The following ABCA7 variants were observed in gnomAD, a reference collection of about 807,000 sequenced individuals.
ABCA7 encodes the protein ATP binding cassette subfamily A member 7.
Under a neutral mutation model 227.6 loss-of-function variants are expected in ABCA7, and 261 were observed. The ratio of observed to expected loss-of-function variants is 1.15; its 90% CI spans 1.04 to 1.27. The LOEUF is 1.27. ABCA7 is among the 50% of genes most tolerant of loss of function. ABCA7 has a pLI of 0.00. For synonymous variants in ABCA7, 1,488 were observed against 1,279.7 expected (o/e 1.16, Z -3.47); for missense variants, 3,331 against 2,924.5 (o/e 1.14, Z -3.21).
chr19:1,064,320 G>A (rs1259926519), intron 45 of ABCA7, 67 bp downstream of exon 45: 2 of 1,455,182 alleles, frequency 1.4e-6, no homozygotes, highest in Admixed American at 2.3e-5. Flanking sequence ...TCAGGGGAGA[G>A]GCCAGACGTA....
chr19:1,060,432 C>T (rs1238249411), intron 40 of ABCA7, among the ~76,000 whole-genome samples: 1 of 151,556 alleles, frequency 6.6e-6, no homozygotes, highest in Non-Finnish European at 1.5e-5. Flanking sequence ...GCTGGTCTTG[C>T]ACTCCTGACC....
Position 1,057,899 on chromosome 19 carries a change from C to A in ABCA7, c.4881-16C>A. The stretch of plus-strand genomic sequence containing the variant: ...AGTCTGAGTGGTTACTCCAGTGACT[C>A]CTATTGTCCCTTCAGCTGGTCGATC... On this transcript the variant is annotated splice_polypyrimidine_tract_variant and intron_variant, in intron 35 of 46. Coordinates refer to ENST00000263094, the MANE Select transcript of ABCA7 (RefSeq NM_019112.4). 2 of 1,613,892 alleles carry A rather than the reference C, an allele frequency of 1.2e-6. No homozygotes were observed. The highest frequency in any genetic ancestry group is 1.7e-6 in the Non-Finnish European group (2 of 1,179,942).
chr19:1,060,985 C>T (rs915757803), intron 40 of ABCA7, among the ~76,000 whole-genome samples: 6 of 152,202 alleles, frequency 3.9e-5, no homozygotes, highest in African/African-American at 1.4e-4. Flanking sequence ...AGGGTACCCA[C>T]TGTGTGCCAA....
Position 1,054,935 on chromosome 19 carries a change from G to C in ABCA7, c.3950+57G>C. 9 of 1,555,502 alleles carry C rather than the reference G, an allele frequency of 5.8e-6. No individual in the cohort carries two copies. Among genetic ancestry groups the C allele is most frequent in the Non-Finnish European group, 7.9e-6 (9 of 1,145,606 alleles). On this transcript the variant is annotated intron_variant, in intron 29 of 46. Transcript: ENST00000263094. The surrounding 1 kb of genome is among the most constrained non-coding windows in gnomAD (Gnocchi z 4.8). ...CTCTCTGGCCTCAGTTTTCCCATCTGGTCCCTGGCCAGGGAGCCTCAGGGG... is the reference window on the plus strand; with the variant it reads ...CTCTCTGGCCTCAGTTTTCCCATCTCGTCCCTGGCCAGGGAGCCTCAGGGG...
At position 1,042,807 on chromosome 19, in the gene ABCA7, C is replaced by A. The variant is rs1405690293; in HGVS notation, c.560C>A (p.Ala187Asp). 1 of 1,610,788 alleles carries A rather than the reference C, an allele frequency of 6.2e-7. No homozygotes were observed. The highest frequency in any genetic ancestry group is 2.2e-5 in the East Asian group (1 of 44,850). ...QEPLHSLLEAAEDLAQELLAL... is the reference protein window; with the variant it reads ...QEPLHSLLEADEDLAQELLAL... The stretch of plus-strand genomic sequence containing the variant: ...CCCTTGCACAGCTTGTTGGAGGCCG[C>A]TGAGGACCTGGCCCAGGAGGTACGA... Residue 187 changes from alanine to aspartate, a missense_variant, in exon 7 of 47, where the codon GCT (alanine) becomes GAT (aspartate). Transcript: ENST00000263094.
chr19:1,053,726 C>T (rs1237570481), intron 24 of ABCA7, 62 bp from the exon 25 acceptor site: 1 of 1,570,070 alleles, frequency 6.4e-7, no homozygotes, highest in African/African-American at 1.4e-5. Flanking sequence ...GGGTGGGGGG[C>T]TCACAAGCCC....
In ABCA7 at chr19:1,061,896, G is replaced by A. The variant is rs750319551; in HGVS notation, c.5570+8G>A. ...TGTGCTGGCAGGCCACAGGTGAGGG[G>A]TGCCAGGTAGGGTCAGGGTGGGGCA... On this transcript the variant is annotated splice_region_variant and intron_variant, in intron 41 of 46. Coordinates refer to ENST00000263094, the MANE Select transcript of ABCA7 (RefSeq NM_019112.4). The A allele has an allele frequency of 3.2e-6, 5 of 1,578,410 alleles. No individual in the cohort carries two copies. Among genetic ancestry groups the A allele is most frequent in the Non-Finnish European group, 4.3e-6 (5 of 1,165,038 alleles).
intron 23 of ABCA7, among the ~76,000 whole-genome samples, chr19:1,052,721 GGAGAAGGA>G (rs958035985): frequency 2.8e-5 from 4 of 145,230 alleles, no homozygotes; most frequent in Non-Finnish European, 4.6e-5. Context: ...AGGAGGGGGA[GGAGAAGGA>G]GAGGAGGAGG....
chr19:1,062,620 C>T (rs1313855621), intron 42 of ABCA7, among the ~76,000 whole-genome samples: 1 of 152,070 alleles, frequency 6.6e-6, no homozygotes, highest in Non-Finnish European at 1.5e-5. Flanking sequence ...ACTTGCTCCT[C>T]TTCTGCCTAC....
At chr19:1,052,371 GA>G in intron 23 of ABCA7, 85 bp downstream of exon 23, 1 of 920,506 alleles carries the variant, frequency 1.1e-6, no homozygotes, top group South Asian at 1.6e-5. Flanking sequence ...GGAGGGGGAA[GA>G]GGAGGAGGAG....
At chr19:1,040,244 G>A (rs1442251905) in intron 1 of ABCA7, 48 bp downstream of exon 1, 1 of 152,286 alleles carries the variant, frequency 6.6e-6, no homozygotes, top group African/African-American at 2.4e-5. Context: ...CGAGAATGCG[G>A]GGTTGGGGCC....
chr19:1,058,330 G>T, intron 37 of ABCA7, 61 bp downstream of exon 37: 1 of 1,596,810 alleles, frequency 6.3e-7, no homozygotes, highest in Non-Finnish European at 8.5e-7. Flanking sequence ...TGGAGACCTA[G>T]AGTTAATTAT....
chr19:1,059,994 T>C (rs1473334873), intron 40 of ABCA7, among the ~76,000 whole-genome samples: 1 of 152,092 alleles, frequency 6.6e-6, no homozygotes, highest in Non-Finnish European at 1.5e-5. Context: ...CAAATACCAA[T>C]AGAATTTATT....
rs747684851 is a variant in ABCA7 at position 1,058,075 on chromosome 19, G to T, written c.5025+16G>T. On this transcript the variant is annotated intron_variant, in intron 36 of 46. Transcript: ENST00000263094. ...CTCTGATCAGGTGGGGCACCACGAG[G>T]CTGGGGCTTGGGCTGGGTTGGGTCG... The T allele has an allele frequency of 6.2e-7, 1 of 1,614,038 alleles. No homozygotes were observed. Among genetic ancestry groups the T allele is most frequent in the Non-Finnish European group, 8.5e-7 (1 of 1,179,986 alleles).
chr19:1,063,547 GCTGGCTCGGGC>G lies in ABCA7; in HGVS notation c.5722_5732del (p.Ser1908AlafsTer73). 1.9e-6 allele frequency: 3 copies of G among 1,610,192 alleles called. No individual in the cohort carries two copies. The highest frequency in any genetic ancestry group is 2.5e-6 in the Non-Finnish European group (3 of 1,179,826). On this transcript the variant is annotated frameshift_variant, in exon 43 of 47. Transcript: ENST00000263094. LOFTEE classifies it high-confidence loss of function. ...CTACTCTGGCCCCACCCCACAGACC[GCTGGCTCGGGC>G]CTGGCGCGTCTGGGACTCTCATGGT...
intron 7 of ABCA7, 78 bp downstream of exon 7, chr19:1,042,904 C>T: frequency 6.6e-7 from 1 of 1,513,718 alleles, no homozygotes; most frequent in Non-Finnish European, 8.9e-7. Context: ...TCTGGGGCAG[C>T]CCGGGCACTT....
intron 44 of ABCA7, 26 bp downstream of exon 44, chr19:1,063,889 C>T (rs778285512): frequency 8.6e-6 from 13 of 1,511,090 alleles, no homozygotes; most frequent in Admixed American, 4.0e-5. Context: ...ATGCCCTGGG[C>T]TGTGGTTAAG....
rs1371064082 is a variant in ABCA7, at chr19:1,054,500, A to T, written c.3727-70A>T. 3 of 1,581,036 alleles carry T rather than the reference A, an allele frequency of 1.9e-6. No homozygotes were observed. In the East Asian group the frequency reaches 6.8e-5, roughly 36 times the overall value. On this transcript the variant is annotated intron_variant, in intron 27 of 46. Transcript: ENST00000263094. The surrounding 1 kb of genome is among the most constrained non-coding windows in gnomAD (Gnocchi z 4.8). ...GGGGAGCCATGGGTGGTTGTAGAGC[A>T]GGAGCAGGGACAGGTGCAAGCAAGC... is the stretch of plus-strand genomic sequence containing the variant.
In ABCA7 at chr19:1,058,091, G is replaced by T; in HGVS notation, c.5025+32G>T. ...CACCACGAGGCTGGGGCTTGGGCTG[G>T]GTTGGGTCGTTGGACTCAGCCCCTG... On this transcript the variant is annotated intron_variant, in intron 36 of 46. Transcript: ENST00000263094. 3 of 1,613,928 alleles carry T rather than the reference G, an allele frequency of 1.9e-6. No homozygotes were observed. The South Asian group carries it at 3.3e-5, about 18-fold the overall frequency.
Sources: gnomAD v4.1 joint callset for allele counts (sites outside exome capture counted in the v4.1 genomes callset) on GRCh38, gnomAD v4.1.1 for gene constraint, Gnocchi (gnomAD v3.1) non-coding constraint, MANE v1.5 for transcripts, NCBI Gene and HGNC (gene_info 2026-07-23, HGNC 2026-07-21) for gene names.